Variants in RIC1 observed in about 807,000 individuals in gnomAD.
The protein encoded by RIC1 is RIC1 partner of RAB6A GEF complex.
A neutral mutation model predicts 169.0 loss-of-function variants in RIC1; 88 were observed. The observed-to-expected ratio is 0.52, with a 90% CI of 0.44 to 0.62. RIC1 has a LOEUF of 0.62. Ranked by LOEUF, RIC1 falls within the 20% of genes least tolerant of loss-of-function variation. RIC1 has a pLI of 0.00. For synonymous variants in RIC1, 790 were observed against 601.5 expected (o/e 1.31, Z -4.59); for missense variants, 1,877 against 1,725.5 (o/e 1.09, Z -1.56).
chr9:5,728,331 A>G (rs1587042825), intron 6 of RIC1, among the ~76,000 whole-genome samples: 1 of 152,184 alleles, frequency 6.6e-6, no homozygotes, highest in African/African-American at 2.4e-5. Context: ...TGGGCATGGG[A>G]CCCTCCAAGC....
chr9:5,754,097 C>A (rs1047319209), intron 14 of RIC1, among the ~76,000 whole-genome samples: 4 of 152,044 alleles, frequency 2.6e-5, no homozygotes, highest in Admixed American at 2.0e-4. Flanking sequence ...TTATTAGGTG[C>A]CTATTGTGTG....
At chr9:5,700,385 A>G (rs1187744386) in intron 3 of RIC1, among the ~76,000 whole-genome samples, 1 of 152,238 alleles carries the variant, frequency 6.6e-6, no homozygotes, top group African/African-American at 2.4e-5. Flanking sequence ...AAAGTAAAAA[A>G]TCTGAATATT....
In RIC1 at chr9:5,775,754, G is replaced by A. The variant is rs1009229063; in HGVS notation, c.*1508G>A. On this transcript the variant is annotated 3_prime_UTR_variant, in exon 26 of 26. Transcript: ENST00000414202. ...CGAAGTATTTAAAATTACTGAGTTG[G>A]GTAATTTACTATCATTTACTTTTTA... is the stretch of plus-strand genomic sequence containing the variant. The A allele has an allele frequency of 6.6e-6, 1 of 152,068 alleles. No individual in the cohort carries two copies. Among genetic ancestry groups the A allele is most frequent in the African/African-American group, 2.4e-5 (1 of 41,402 alleles). The allele number at this position is 152,068 out of a possible 1,614,324, so 9.4% of individuals were successfully genotyped here. A position where few individuals can be genotyped will look rare whatever the true frequency, so the allele number is the denominator to read the frequency against.
intron 12 of RIC1, among the ~76,000 whole-genome samples, chr9:5,748,866 A>G (rs1291466803): frequency 1.3e-5 from 2 of 152,256 alleles, no homozygotes; most frequent in East Asian, 1.9e-4. Flanking sequence ...TTTGGGTACT[A>G]GCAAGATTCC....
intron 17 of RIC1, 75 bp downstream of exon 17, chr9:5,757,526 T>A: frequency 6.7e-7 from 1 of 1,502,884 alleles, no homozygotes; most frequent in Non-Finnish European, 9.2e-7. Flanking sequence ...TAGGAAGTAT[T>A]TGTTTGGCAA....
intron 7 of RIC1, among the ~76,000 whole-genome samples, chr9:5,736,450 C>T (rs1408232146): frequency 6.6e-6 from 1 of 152,128 alleles, no homozygotes; most frequent in Non-Finnish European, 1.5e-5. Context: ...TCTGTAACTG[C>T]CCTTAGTTTT....
At chr9:5,717,024 C>G (rs1040036930) in intron 4 of RIC1, among the ~76,000 whole-genome samples, 16 of 152,156 alleles carry the variant, frequency 1.1e-4, no homozygotes, top group African/African-American at 3.9e-4. Context: ...AAGGATATAT[C>G]TATCTCTTCC....
chr9:5,704,312 G>T (rs538140640), intron 3 of RIC1, among the ~76,000 whole-genome samples: 25 of 151,696 alleles, frequency 1.6e-4, no homozygotes, highest in Admixed American at 5.3e-4. Context: ...TTGGGCTCAA[G>T]CAATCCTCTC....
chr9:5,756,475 A>C, intron 16 of RIC1, 103 bp downstream of exon 16: 1 of 761,348 alleles, frequency 1.3e-6, no homozygotes, highest in Non-Finnish European at 1.9e-6. Flanking sequence ...TTTATATTCA[A>C]TCTTGTTTTT....
intron 1 of RIC1, among the ~76,000 whole-genome samples, chr9:5,655,642 C>G (rs988782141): frequency 1.3e-5 from 2 of 151,892 alleles, no homozygotes; most frequent in Admixed American, 6.6e-5. Context: ...TTGTTAAGTG[C>G]TTTTTCTGTG....
At chr9:5,661,874 A>G (rs948924286) in intron 2 of RIC1, among the ~76,000 whole-genome samples, 1 of 152,242 alleles carries the variant, frequency 6.6e-6, no homozygotes, top group Non-Finnish European at 1.5e-5. Context: ...TATGTTGAAT[A>G]GGACTGGTGA....
rs114406908 is a variant in RIC1, at chr9:5,695,883, T to G, written c.332+5845T>G. On this transcript the variant is annotated intron_variant, in intron 3 of 25. Transcript: ENST00000414202. ...ACTGCACCCGGCCTATTATGTCTTC[T>G]TAATGTCAGATTCATGTCTAAACCT... Among the ~76,000 whole-genome samples the G allele has an allele frequency of 7.6e-3, 1,162 of 152,288 alleles. 22 individuals are homozygous for G. Among genetic ancestry groups the G allele is most frequent in the African/African-American group, 0.027 (1,116 of 41,554 alleles).
downstream of RIC1, among the ~76,000 whole-genome samples, chr9:5,778,490 A>G (rs1445741484): frequency 6.6e-6 from 1 of 152,200 alleles, no homozygotes; most frequent in African/African-American, 2.4e-5. Flanking sequence ...GCTTTCTCTC[A>G]TCACTAATTA....
At chr9:5,665,540 C>T (rs1819702514) in intron 2 of RIC1, among the ~76,000 whole-genome samples, 2 of 152,154 alleles carry the variant, frequency 1.3e-5, no homozygotes, top group African/African-American at 4.8e-5. Flanking sequence ...GAGTTTTTAG[C>T]ATTTTTGCAT....
intron 3 of RIC1, among the ~76,000 whole-genome samples, chr9:5,707,218 T>G (rs116630643): frequency 0.015 from 2,274 of 152,306 alleles, 64 homozygotes; most frequent in African/African-American, 0.051. Context: ...TGATTTTTAG[T>G]TATATTCCAT....
intron 1 of RIC1, among the ~76,000 whole-genome samples, chr9:5,633,020 G>A (rs918771809): frequency 2.6e-5 from 4 of 152,178 alleles, no homozygotes; most frequent in Non-Finnish European, 5.9e-5. Context: ...ATATGTTAGT[G>A]TGTTAGATGT....
intron 6 of RIC1, among the ~76,000 whole-genome samples, chr9:5,730,969 C>T (rs66487767): frequency 6.6e-6 from 1 of 152,134 alleles, no homozygotes; most frequent in Non-Finnish European, 1.5e-5. Flanking sequence ...CAGAAATGCT[C>T]CTACATTAGG....
chr9:5,758,722 C>CTTTTT (rs754931692), intron 17 of RIC1, among the ~76,000 whole-genome samples: 1 of 98,422 alleles, frequency 1.0e-5, no homozygotes, highest in Admixed American at 1.0e-4. Flanking sequence ...GGTCTCCCTT[C>CTTTTT]TTTTTTTTTT....
At chr9:5,631,631 G>A (rs1221894785) in intron 1 of RIC1, among the ~76,000 whole-genome samples, 1 of 146,900 alleles carries the variant, frequency 6.8e-6, no homozygotes, top group East Asian at 2.0e-4. Context: ...AGGTTGCAGT[G>A]AGCCAAGATC....
Sources: allele counts gnomAD v4.1 joint callset (sites outside exome capture counted in the v4.1 genomes callset), GRCh38; gene constraint gnomAD v4.1.1; transcripts MANE v1.5; gene names NCBI Gene and HGNC (gene_info 2026-07-23, HGNC 2026-07-21).